Variants in CELF2 observed in about 807,000 individuals in gnomAD.
CELF2 encodes the protein CUGBP Elav-like family member 2, also known as CUG triplet repeat RNA-binding protein 2.
Under a neutral mutation model 62.6 loss-of-function variants are expected in CELF2, and 8 were observed. The ratio of observed to expected loss-of-function variants is 0.13; its 90% CI spans 0.07 to 0.23. The LOEUF (loss-of-function observed/expected upper bound fraction) is 0.23. Among genes scored for constraint, CELF2 ranks in the 10% least tolerant of loss-of-function variants. The pLI is 1.00. For synonymous variants in CELF2, 258 were observed against 250.0 expected (o/e 1.03, Z -0.30); for missense variants, 333 against 671.0 (o/e 0.50, Z 5.56).
chr10:10,580,423 C>T, the CELF2 span, among the ~76,000 whole-genome samples: 1 of 152,118 alleles, frequency 6.6e-6, no homozygotes, highest in African/African-American at 2.4e-5. Context: ...CCAGGAATGA[C>T]TATAAGAAAT....
the CELF2 span, among the ~76,000 whole-genome samples, chr10:10,499,127 C>T: frequency 6.8e-3 from 1,016 of 149,486 alleles, 7 homozygotes; most frequent in Non-Finnish European, 0.01. Flanking sequence ...AGTTCAATGG[C>T]ACGATCTCAG....
intron 2 of CELF2, chr10:10,922,588 T>TC (rs1382013940): frequency 6.6e-6 from 1 of 152,200 alleles, no homozygotes; most frequent in Non-Finnish European, 1.5e-5. Flanking sequence ...ACGCGTATAT[T>TC]CCCCAGGAAT....
the CELF2 span, among the ~76,000 whole-genome samples, chr10:10,556,015 C>A: frequency 5.9e-5 from 9 of 152,104 alleles, no homozygotes; most frequent in East Asian, 1.7e-3. Context: ...TAATAGCCTG[C>A]ATTTTTTCCA....
At chr10:10,998,042 G>T (rs933298165) in intron 2 of CELF2, among the ~76,000 whole-genome samples, 1 of 152,096 alleles carries the variant, frequency 6.6e-6, no homozygotes, top group Admixed American at 6.6e-5. Context: ...CTCTGCACAC[G>T]CTCTCTTGCC....
At chr10:10,560,325 A>C in the CELF2 span, among the ~76,000 whole-genome samples, 1 of 152,240 alleles carries the variant, frequency 6.6e-6, no homozygotes, top group Non-Finnish European at 1.5e-5. Flanking sequence ...GTAGAATGTA[A>C]GTTTTCATCT....
the CELF2 span, among the ~76,000 whole-genome samples, chr10:10,592,393 G>A: frequency 1.4e-4 from 22 of 152,222 alleles, no homozygotes; most frequent in South Asian, 8.3e-4. Context: ...AATGGATTCC[G>A]ATTTCTATTT....
In CELF2 at chr10:11,214,693, ATCC is replaced by A. The variant is rs2062838902; in HGVS notation, c.272-2727_272-2725del. Among the ~76,000 whole-genome samples the A allele has an allele frequency of 6.6e-6, 1 of 152,240 alleles. No homozygotes were observed. Among genetic ancestry groups the A allele is most frequent in the African/African-American group, 2.4e-5 (1 of 41,468 alleles). Reference sequence around the variant, plus strand: ...GCACATTAGCAGTGTTACCTACGGTATCCTCCTGCGTGTCACACTGGAACTAGA... The same window carrying A: ...GCACATTAGCAGTGTTACCTACGGTATCCTGCGTGTCACACTGGAACTAGA... On this transcript the variant is annotated intron_variant, in intron 2 of 12. Transcript: ENST00000633077. The surrounding 1 kb of genome is among the most constrained non-coding windows in gnomAD (Gnocchi z 4.2).
intron 1 of CELF2, among the ~76,000 whole-genome samples, chr10:10,828,000 TAAAAA>T (rs66721705): frequency 1.3e-4 from 8 of 60,706 alleles, no homozygotes; most frequent in Non-Finnish European, 2.1e-4. Flanking sequence ...AGGCTAGTCT[TAAAAA>T]AAAAAAAAAA....
chr10:10,497,994 G>A, the CELF2 span, among the ~76,000 whole-genome samples: 1 of 152,200 alleles, frequency 6.6e-6, no homozygotes, highest in East Asian at 1.9e-4. Flanking sequence ...AGAGGTGAAG[G>A]AGGGTCCCCA....
chr10:11,141,310 C>T (rs965545728), intron 1 of CELF2, among the ~76,000 whole-genome samples: 5 of 152,128 alleles, frequency 3.3e-5, no homozygotes, highest in African/African-American at 9.7e-5. Context: ...GGGGCAGTCC[C>T]CACGATGGAG....
intron 12 of CELF2, among the ~76,000 whole-genome samples, chr10:11,326,703 A>G (rs1402899914): frequency 1.3e-5 from 2 of 152,138 alleles, no homozygotes; most frequent in African/African-American, 4.8e-5. Context: ...TTCAAACCCT[A>G]TTGGCCCCCA....
At chr10:11,144,941 C>T (rs2062001694) in intron 1 of CELF2, among the ~76,000 whole-genome samples, 1 of 150,272 alleles carries the variant, frequency 6.7e-6, no homozygotes, top group Non-Finnish European at 1.5e-5. Flanking sequence ...CTCGCCAAGC[C>T]CTGACTGGGG....
chr10:11,126,105 C>A (rs184385068), intron 1 of CELF2, among the ~76,000 whole-genome samples: 1 of 152,204 alleles, frequency 6.6e-6, no homozygotes, highest in Non-Finnish European at 1.5e-5. Context: ...AGTCAAGATA[C>A]GCTGTCTGGA....
rs1565774604 is a variant in CELF2 at position 11,285,829 on chromosome 10, GT to G, written c.842-2588del. Among the ~76,000 whole-genome samples, 124 of 13,474 alleles carry G rather than the reference GT, an allele frequency of 9.2e-3. No individual in the cohort carries two copies. The highest frequency in any genetic ancestry group is 0.027 in the African/African-American group (115 of 4,310). 8.8% of individuals were successfully genotyped at this position (13,474 alleles called of 152,430 possible). A position where few individuals can be genotyped will look rare whatever the true frequency, so the allele number is the denominator to read the frequency against. On this transcript the variant is annotated intron_variant, in intron 8 of 12. Coordinates refer to ENST00000633077, the MANE Select transcript of CELF2 (RefSeq NM_001326342.2). The surrounding 1 kb of genome is among the most constrained non-coding windows in gnomAD (Gnocchi z 4.3). ...CTCATCACCTACTATATATATTGGTGTGTGTGTGTGTGTGTGTGTGTGTGTG... is the reference window on the plus strand; with the variant it reads ...CTCATCACCTACTATATATATTGGTGGTGTGTGTGTGTGTGTGTGTGTGTG...
chr10:10,727,658 C>T, the CELF2 span, among the ~76,000 whole-genome samples: 1 of 151,854 alleles, frequency 6.6e-6, no homozygotes, highest in African/African-American at 2.4e-5. Flanking sequence ...CACCTGTAGT[C>T]CCAGCTATTC....
chr10:11,239,816 T>C (rs977526771), intron 3 of CELF2, among the ~76,000 whole-genome samples: 6 of 152,152 alleles, frequency 3.9e-5, no homozygotes, highest in African/African-American at 1.4e-4. Context: ...CTCAGCACTT[T>C]GGGAGGCCTA....
the CELF2 span, among the ~76,000 whole-genome samples, chr10:10,624,990 C>T: frequency 5.3e-5 from 8 of 152,302 alleles, no homozygotes; most frequent in Non-Finnish European, 8.8e-5. Flanking sequence ...CTGTCACTGC[C>T]AAGCCTAAGT....
chr10:11,249,859 G>T (rs910585664), intron 4 of CELF2, among the ~76,000 whole-genome samples: 8 of 152,098 alleles, frequency 5.3e-5, no homozygotes, highest in Non-Finnish European at 1.0e-4. Context: ...CCCTTTCAGC[G>T]AACCTTCTGT....
At chr10:10,590,298 A>T in the CELF2 span, among the ~76,000 whole-genome samples, 2 of 152,246 alleles carry the variant, frequency 1.3e-5, no homozygotes, top group Non-Finnish European at 1.5e-5. Flanking sequence ...TGAAACCCAC[A>T]GATAATCCCC....
Sources: gnomAD v4.1 joint callset for allele counts (sites outside exome capture counted in the v4.1 genomes callset) on GRCh38, gnomAD v4.1.1 for gene constraint, Gnocchi (gnomAD v3.1) non-coding constraint, MANE v1.5 for transcripts, NCBI Gene and HGNC (gene_info 2026-07-23, HGNC 2026-07-21) for gene names.